Variants in PI4KA observed in about 807,000 individuals in gnomAD.
PI4KA encodes the protein PI4-kinase alpha.
A neutral mutation model predicts 271.4 loss-of-function variants in PI4KA; 122 were observed. The ratio of observed to expected loss-of-function variants is 0.45; its 90% CI spans 0.39 to 0.52. The LOEUF (loss-of-function observed/expected upper bound fraction) is 0.52, where lower values mean the gene tolerates loss of function less well. Ranked by LOEUF, PI4KA falls within the 20% of genes least tolerant of loss-of-function variation. The pLI, the probability that PI4KA is intolerant of heterozygous loss-of-function variation, is 0.00. For missense variants in PI4KA, 1,969 were observed against 2,769.1 expected (o/e 0.71, Z 6.48); for synonymous variants, 1,041 against 1,078.8 (o/e 0.96, Z 0.69).
intron 29 of PI4KA, among the ~76,000 whole-genome samples, chr22:20,745,052 G>C (rs1490059070): frequency 6.6e-6 from 1 of 152,220 alleles, no homozygotes; most frequent in Non-Finnish European, 1.5e-5. Flanking sequence ...GTCTCCTTGA[G>C]AGTTGCGTGT....
At chr22:20,708,205 G>A in intron 54 of PI4KA, 107 bp from the exon 55 acceptor site, 2 of 848,966 alleles carry the variant, frequency 2.4e-6, no homozygotes, top group Non-Finnish European at 4.1e-6. Flanking sequence ...TGGCTGCCCA[G>A]CACCTGAAGG....
Position 20,708,070 on chromosome 22 carries a change from A to G in PI4KA, c.6286T>C (p.Tyr2096His). The change falls in exon 55 of 55, where the codon TAT (tyrosine) becomes CAT (histidine). Residue 2096 changes from tyrosine (Y) to histidine (H), a missense_variant. Coordinates refer to ENST00000255882, the MANE Select transcript of PI4KA (RefSeq NM_058004.4). ...RSRTYDMIQYYQNDIPY is the reference protein window; with the variant it reads ...RSRTYDMIQYHQNDIPY ...CCTCAGTAGGGGATGTCATTCTGAT[A>G]GTACTGGATCATGTCGTAGGTCCGG... 6.2e-7 allele frequency: 1 copy of G among 1,613,526 alleles called. No individual in the cohort carries two copies. Among genetic ancestry groups the G allele is most frequent in the Non-Finnish European group, 8.5e-7 (1 of 1,179,540 alleles).
At chr22:20,810,036 A>C (rs536386469) in intron 9 of PI4KA, among the ~76,000 whole-genome samples, 7 of 152,278 alleles carry the variant, frequency 4.6e-5, no homozygotes, top group African/African-American at 1.7e-4. Flanking sequence ...TTCAATAAGG[A>C]ATCTGGGTCA....
At chr22:20,771,601 AGAC>A (rs1932878021) in intron 19 of PI4KA, among the ~76,000 whole-genome samples, 7 of 149,718 alleles carry the variant, frequency 4.7e-5, no homozygotes, top group African/African-American at 1.7e-4. Flanking sequence ...TTATTTATTT[AGAC>A]AGAGTCTCAC....
chr22:20,826,898 G>T (rs915990223), intron 3 of PI4KA, among the ~76,000 whole-genome samples: 22 of 150,622 alleles, frequency 1.5e-4, no homozygotes, highest in African/African-American at 4.9e-4. Flanking sequence ...TTTTAACGGG[G>T]TTTTTTTTTT....
At chr22:20,723,311 C>T (rs1363925756) in intron 42 of PI4KA, among the ~76,000 whole-genome samples, 2 of 152,014 alleles carry the variant, frequency 1.3e-5, no homozygotes, top group Admixed American at 6.5e-5. Context: ...TGAGCCACCG[C>T]GCCCGGCCTA....
At chr22:20,771,565 C>A (rs572370882) in intron 19 of PI4KA, among the ~76,000 whole-genome samples, 315 of 147,352 alleles carry the variant, frequency 2.1e-3, no homozygotes, top group African/African-American at 7.0e-3. Flanking sequence ...AATATGTTGG[C>A]TTTATTTATT....
Position 20,813,487 on chromosome 22 carries a change from C to A in PI4KA, c.876G>T (p.Gly292=), listed in dbSNP as rs148209475. Residue 292 remains glycine, a synonymous_variant, in exon 8 of 55, where the codon GGG becomes GGT. Coordinates refer to ENST00000255882, the MANE Select transcript of PI4KA (RefSeq NM_058004.4). ...AGTAGTACTCAGGCTCTAGGGCAGT[C>A]CCATCGGGCAAGCAGGAGGCTGGTG... ...HYFEASCLPD[G]TALEPEYYFS... is the part of the protein sequence containing the mutation. The A allele has an allele frequency of 4.3e-6, 7 of 1,613,974 alleles. No individual in the cohort carries two copies. The East Asian group carries it at 6.7e-5, about 15-fold the overall frequency.
intron 19 of PI4KA, among the ~76,000 whole-genome samples, chr22:20,782,331 C>T (rs547807388): frequency 1.3e-5 from 2 of 152,342 alleles, no homozygotes; most frequent in East Asian, 1.9e-4. Flanking sequence ...TGTAAACACA[C>T]GTGCAAATGC....
chr22:20,730,945 G>A (rs1263468935), intron 36 of PI4KA, among the ~76,000 whole-genome samples: 2 of 152,048 alleles, frequency 1.3e-5, no homozygotes, highest in Non-Finnish European at 2.9e-5. Flanking sequence ...GGGAGGCTGA[G>A]GCAGGTGGAT....
chr22:20,835,449 T>C (rs1924730597), intron 2 of PI4KA, among the ~76,000 whole-genome samples: 1 of 152,174 alleles, frequency 6.6e-6, no homozygotes, highest in South Asian at 2.1e-4. Context: ...CAGCCAGGCA[T>C]AGTGGCTCAT....
In PI4KA at chr22:20,744,631, G is replaced by A. The variant is rs1237005194; in HGVS notation, c.3453C>T (p.Gly1151=). 3.7e-6 allele frequency: 6 copies of A among 1,612,888 alleles called. No individual in the cohort carries two copies. Among genetic ancestry groups the A allele is most frequent in the African/African-American group, 2.7e-5 (2 of 74,928 alleles). Residue 1151 remains glycine, a synonymous_variant, in exon 30 of 55, where the codon GGC becomes GGT. Transcript: ENST00000255882. ...GGCGCAAGGACAAGAGAAGCACCTC[G>A]CCCGCGTAGCGGTTGCGCAGATTCA... is the stretch of plus-strand genomic sequence containing the variant. ...ASLNLRNRYA[G]EVYGMIRFSG...
chr22:20,718,870 C>T (rs1601325587), intron 43 of PI4KA, 48 bp from the exon 44 acceptor site: 1 of 1,601,756 alleles, frequency 6.2e-7, no homozygotes, highest in African/African-American at 1.3e-5. Context: ...GTGGCAGAGG[C>T]CCCTCAGGAA....
chr22:20,729,180 G>A, intron 39 of PI4KA, 133 bp downstream of exon 39: 2 of 728,772 alleles, frequency 2.7e-6, no homozygotes, highest in South Asian at 1.9e-5. Context: ...TGGGGCTCGA[G>A]GACTAGACTA....
intron 3 of PI4KA, among the ~76,000 whole-genome samples, chr22:20,828,438 T>G (rs908126470): frequency 6.6e-6 from 1 of 152,220 alleles, no homozygotes; most frequent in Non-Finnish European, 1.5e-5. Flanking sequence ...GTTCTGGTTT[T>G]CAAGGGGAAT....
At chr22:20,854,849 A>G (rs1927395616) in intron 1 of PI4KA, among the ~76,000 whole-genome samples, 1 of 152,058 alleles carries the variant, frequency 6.6e-6, no homozygotes, top group Non-Finnish European at 1.5e-5. Flanking sequence ...AAATTCCTTT[A>G]CTCTTAAGAA....
intron 36 of PI4KA, 90 bp downstream of exon 36, chr22:20,732,881 C>A (rs1601357937): frequency 1.3e-6 from 2 of 1,504,342 alleles, no homozygotes; most frequent in Non-Finnish European, 1.8e-6. Context: ...ACTGCTTTTC[C>A]GTCCCTACCT....
chr22:20,726,248 C>T, intron 42 of PI4KA: 1 of 400,884 alleles, frequency 2.5e-6, no homozygotes, highest in Non-Finnish European at 4.4e-6. Context: ...AGGCTGGCAA[C>T]AGCCCCAGAA....
At position 20,708,020 on chromosome 22, in the gene PI4KA, G is replaced by A; in HGVS notation, c.*27C>T. On this transcript the variant is annotated 3_prime_UTR_variant, in exon 55 of 55. Transcript: ENST00000255882. ...TGTGGGACAGCTTTGAGGGCACATG[G>A]GGCAGAGGCCCTCGAAGGTCCCCTC... 1.3e-6 allele frequency: 2 copies of A among 1,582,328 alleles called. No homozygotes were observed. Among genetic ancestry groups the A allele is most frequent in the Non-Finnish European group, 1.7e-6 (2 of 1,151,460 alleles).
Sources: allele counts gnomAD v4.1 joint callset (sites outside exome capture counted in the v4.1 genomes callset), GRCh38; gene constraint gnomAD v4.1.1; transcripts MANE v1.5; gene names NCBI Gene and HGNC (gene_info 2026-07-23, HGNC 2026-07-21).